The following SLC9C2 variants were observed in gnomAD, a reference collection of about 807,000 sequenced individuals.
The protein encoded by SLC9C2 is solute carrier family 9 member C2 (putative), also known as sodium/hydrogen exchanger 11.
Under a neutral mutation model 140.2 loss-of-function variants are expected in SLC9C2, and 75 were observed. The ratio of observed to expected loss-of-function variants is 0.53; its 90% CI spans 0.44 to 0.65. SLC9C2 has a LOEUF of 0.65. Among genes scored for constraint, SLC9C2 ranks in the 30% least tolerant of loss-of-function variants. SLC9C2 has a pLI of 0.00. For synonymous variants in SLC9C2, 375 were observed against 420.9 expected (o/e 0.89, Z 1.34); for missense variants, 1,074 against 1,331.8 (o/e 0.81, Z 3.01).
At chr1:173,527,330 A>G (rs1158609267) in intron 18 of SLC9C2, among the ~76,000 whole-genome samples, 1 of 152,192 alleles carries the variant, frequency 6.6e-6, no homozygotes, top group Non-Finnish European at 1.5e-5. Flanking sequence ...AATAGTTATC[A>G]GAAAAGATCA....
intron 13 of SLC9C2, among the ~76,000 whole-genome samples, chr1:173,541,133 T>C (rs1199998954): frequency 3.3e-5 from 5 of 151,504 alleles, no homozygotes; most frequent in African/African-American, 9.7e-5. Context: ...GAAACACACA[T>C]ACTCTCAAAA....
At chr1:173,523,270 G>T (rs1029705690) in intron 21 of SLC9C2, among the ~76,000 whole-genome samples, 2 of 152,170 alleles carry the variant, frequency 1.3e-5, no homozygotes, top group African/African-American at 4.8e-5. Flanking sequence ...TACTTGGGAG[G>T]CTGAGGCAGG....
At position 173,576,778 on chromosome 1, in the gene SLC9C2, A is replaced by G. The variant is rs1553257736; in HGVS notation, c.803-18T>C. 2 of 1,491,228 alleles carry G rather than the reference A, an allele frequency of 1.3e-6. No homozygotes were observed. The highest frequency in any genetic ancestry group is 3.7e-5 in the Admixed American group (2 of 53,940). The allele number at this position is 1,491,228 out of a possible 1,614,324, so 92.4% of individuals were successfully genotyped here. A position where few individuals can be genotyped will look rare whatever the true frequency, so the allele number is the denominator to read the frequency against. ...AAATTCCACTGGGGAGAAAAAAAAA[A>G]CAAATGAATCAAATGCAATGTATTC... On this transcript the variant is annotated intron_variant, in intron 7 of 27. Coordinates refer to ENST00000367714, the MANE Select transcript of SLC9C2 (RefSeq NM_178527.4).
intron 4 of SLC9C2, among the ~76,000 whole-genome samples, chr1:173,591,576 G>A (rs1666164878): frequency 6.6e-6 from 1 of 152,058 alleles, no homozygotes; most frequent in African/African-American, 2.4e-5. Context: ...ATTCTGACTG[G>A]TGTGAGATAG....
At chr1:173,556,854 G>C (rs1203797416) in intron 10 of SLC9C2, among the ~76,000 whole-genome samples, 2 of 151,900 alleles carry the variant, frequency 1.3e-5, no homozygotes, top group African/African-American at 4.8e-5. Context: ...CTTAAACCTG[G>C]GAGGCGGAGG....
chr1:173,595,544 C>A (rs192012531), intron 4 of SLC9C2, among the ~76,000 whole-genome samples: 3 of 151,914 alleles, frequency 2.0e-5, no homozygotes, highest in African/African-American at 7.3e-5. Flanking sequence ...CCATACCAAA[C>A]GAAAAATTTT....
chr1:173,532,675 T>A (rs1344275201), intron 17 of SLC9C2, among the ~76,000 whole-genome samples: 1 of 152,194 alleles, frequency 6.6e-6, no homozygotes, highest in Non-Finnish European at 1.5e-5. Flanking sequence ...CACCAAGATT[T>A]TTATTCTTTC....
Position 173,582,119 on chromosome 1 carries a change from T to C in SLC9C2, c.641-111A>G, listed in dbSNP as rs1276049639. On this transcript the variant is annotated intron_variant, in intron 6 of 27. Transcript: ENST00000367714. ...TTTGGTTTGCTTGTGAGATTTTGAG[T>C]GGACACCTTATTTGTCAGCAAATAG... is the stretch of plus-strand genomic sequence containing the variant. The C allele has an allele frequency of 5.2e-6, 4 of 767,002 alleles. No individual in the cohort carries two copies. The African/African-American group carries it at 7.1e-5, about 14-fold the overall frequency. 47.5% of individuals were successfully genotyped at this position (767,002 alleles called of 1,614,324 possible). A position where few individuals can be genotyped will look rare whatever the true frequency, so the allele number is the denominator to read the frequency against.
At chr1:173,589,692 T>A (rs1166812634) in intron 4 of SLC9C2, among the ~76,000 whole-genome samples, 5 of 152,094 alleles carry the variant, frequency 3.3e-5, no homozygotes, top group African/African-American at 4.8e-5. Flanking sequence ...AAATAAGGCA[T>A]CAAAAGTAGA....
intron 21 of SLC9C2, among the ~76,000 whole-genome samples, chr1:173,521,773 T>C (rs1348978366): frequency 1.3e-5 from 2 of 148,276 alleles, no homozygotes; most frequent in African/African-American, 2.5e-5. Context: ...TGGGTTATAA[T>C]GGTAAGCTAA....
intron 9 of SLC9C2, among the ~76,000 whole-genome samples, chr1:173,560,235 T>A (rs1044396756): frequency 6.6e-6 from 1 of 152,202 alleles, no homozygotes; most frequent in Non-Finnish European, 1.5e-5. Flanking sequence ...AACACTTTAA[T>A]ATATTGCAGG....
At chr1:173,514,255 T>C (rs1436577736) in intron 23 of SLC9C2, among the ~76,000 whole-genome samples, 1 of 152,146 alleles carries the variant, frequency 6.6e-6, no homozygotes, top group Non-Finnish European at 1.5e-5. Context: ...GACAGTGGGG[T>C]GTTAAAGTCT....
chr1:173,521,295 C>T lies in SLC9C2; in HGVS notation c.2739+6G>A, dbSNP rs748545140. 31 of 1,448,780 alleles carry T rather than the reference C, an allele frequency of 2.1e-5. No individual in the cohort carries two copies. The Admixed American group carries it at 7.5e-4, about 35-fold the overall frequency. 89.7% of individuals were successfully genotyped at this position (1,448,780 alleles called of 1,614,324 possible). ...AAAAAAAAAAAAAAAATCAATAGTC[C>T]CTTACAATTGCCATTCCTGAAATAA... On this transcript the variant is annotated splice_donor_region_variant and intron_variant, in intron 22 of 27. Transcript: ENST00000367714.
At chr1:173,516,348 G>T (rs1660418002) in intron 23 of SLC9C2, among the ~76,000 whole-genome samples, 1 of 152,188 alleles carries the variant, frequency 6.6e-6, no homozygotes, top group Admixed American at 6.5e-5. Context: ...TGGTACATAT[G>T]CAGGTTTGTT....
intron 23 of SLC9C2, among the ~76,000 whole-genome samples, chr1:173,514,994 G>T (rs1660318529): frequency 6.6e-6 from 1 of 152,162 alleles, no homozygotes; most frequent in Non-Finnish European, 1.5e-5. Flanking sequence ...CTGTTTTCTG[G>T]CTTGAAGGGT....
chr1:173,564,968 C>CTTTTTTTTTTTTTTTTTTTTTTT (rs564120430), intron 9 of SLC9C2, among the ~76,000 whole-genome samples: 2 of 113,620 alleles, frequency 1.8e-5, no homozygotes, highest in Non-Finnish European at 3.6e-5. Context: ...TTTTCTTTTT[C>CTTTTTTTTTTTTTTTTTTTTTTT]TTTTTTTTTT....
chr1:173,583,920 T>C (rs543280859), intron 5 of SLC9C2, among the ~76,000 whole-genome samples: 1 of 152,322 alleles, frequency 6.6e-6, no homozygotes, highest in African/African-American at 2.4e-5. Context: ...ACATTTAGTT[T>C]GAATAAACCT....
chr1:173,537,078 C>T (rs1662023303), intron 13 of SLC9C2, 39 bp from the exon 14 acceptor site: 8 of 1,499,246 alleles, frequency 5.3e-6, no homozygotes, highest in Non-Finnish European at 7.4e-6. Flanking sequence ...AAGATCAAAA[C>T]ATAAATGGAA....
intron 2 of SLC9C2, among the ~76,000 whole-genome samples, chr1:173,600,658 A>G (rs943966851): frequency 2.0e-5 from 3 of 152,160 alleles, no homozygotes; most frequent in African/African-American, 7.2e-5. Flanking sequence ...GTCAAGGAGC[A>G]TCTGTACTTC....
Sources: gnomAD v4.1 joint callset for allele counts (sites outside exome capture counted in the v4.1 genomes callset) on GRCh38, gnomAD v4.1.1 for gene constraint, MANE v1.5 for transcripts, NCBI Gene and HGNC (gene_info 2026-07-23, HGNC 2026-07-21) for gene names.